RORA: variants seen among roughly 807,000 people sequenced by gnomAD.
The protein encoded by RORA is RAR related orphan receptor A.
Under a neutral mutation model 69.5 loss-of-function variants are expected in RORA, and 7 were observed. The observed-to-expected ratio is 0.10, with a 90% CI of 0.06 to 0.19. The LOEUF is 0.19. RORA is among the 10% of genes least tolerant of loss of function. The pLI, the probability that RORA is intolerant of heterozygous loss-of-function variation, is 1.00. For missense variants in RORA, 457 were observed against 663.0 expected, an observed-to-expected ratio of 0.69 and a Z score of 3.41; for synonymous variants, 261 against 240.8, an observed-to-expected ratio of 1.08 and a Z score of -0.78.
intron 1 of RORA, among the ~76,000 whole-genome samples, chr15:61,000,636 G>C (rs758006584): frequency 4.6e-5 from 7 of 152,228 alleles, no homozygotes; most frequent in Non-Finnish European, 7.3e-5. Context: ...GACCTGGTGA[G>C]TGAAGGTTAG....
intron 1 of RORA, among the ~76,000 whole-genome samples, chr15:60,954,202 A>T (rs1402388686): frequency 2.1e-5 from 3 of 144,160 alleles, no homozygotes; most frequent in Non-Finnish European, 4.5e-5. Flanking sequence ...ACAAAAAACC[A>T]AACACCGCAT....
intron 1 of RORA, among the ~76,000 whole-genome samples, chr15:60,946,705 A>T (rs1317998469): frequency 6.6e-6 from 1 of 151,220 alleles, no homozygotes; most frequent in African/African-American, 2.4e-5. Context: ...CTGGGAAGTG[A>T]GGAGCGTCTC....
chr15:61,220,522 A>G (rs2080085818), intron 1 of RORA, among the ~76,000 whole-genome samples: 1 of 152,234 alleles, frequency 6.6e-6, no homozygotes, highest in Admixed American at 6.5e-5. Flanking sequence ...CATCGATCAT[A>G]TGGGATGAAA....
intron 1 of RORA, among the ~76,000 whole-genome samples, chr15:60,894,287 T>G (rs1891166756): frequency 6.6e-6 from 1 of 152,202 alleles, no homozygotes; most frequent in Non-Finnish European, 1.5e-5. Context: ...CAAGAATAAT[T>G]TAAAATGCAA....
chr15:61,040,498 C>T (rs1473086996), intron 1 of RORA, among the ~76,000 whole-genome samples: 1 of 152,012 alleles, frequency 6.6e-6, no homozygotes, highest in Non-Finnish European at 1.5e-5. Flanking sequence ...TCTTTTCCCT[C>T]CATTTCCTTC....
chr15:60,515,425 C>T (rs1159883169), intron 3 of RORA, among the ~76,000 whole-genome samples: 1 of 39,182 alleles, frequency 2.6e-5, no homozygotes, highest in Admixed American at 3.7e-4. Context: ...GTCCAATGCT[C>T]ATCAAGTTCC....
chr15:60,827,367 C>T (rs1567204989), intron 1 of RORA, among the ~76,000 whole-genome samples: 1 of 152,124 alleles, frequency 6.6e-6, no homozygotes, highest in African/African-American at 2.4e-5. Flanking sequence ...AGCTTTAGGG[C>T]TGCTAAGAAA....
intron 1 of RORA, among the ~76,000 whole-genome samples, chr15:61,125,530 G>A (rs993242429): frequency 3.9e-5 from 6 of 152,144 alleles, no homozygotes; most frequent in Non-Finnish European, 7.4e-5. Context: ...ATATCAGATT[G>A]TTCGTTAGAT....
chr15:60,527,443 A>G (rs1199432535), intron 3 of RORA, among the ~76,000 whole-genome samples: 2 of 152,224 alleles, frequency 1.3e-5, no homozygotes, highest in Non-Finnish European at 2.9e-5. Flanking sequence ...TACAGCCTCT[A>G]GTGTTACCAT....
chr15:60,996,291 C>T (rs562970451), intron 1 of RORA, among the ~76,000 whole-genome samples: 4 of 152,020 alleles, frequency 2.6e-5, no homozygotes, highest in Non-Finnish European at 2.9e-5. Context: ...AGGCTGGAAT[C>T]GAACTCCTGA....
chr15:60,786,930 G>A (rs1231865972), intron 1 of RORA, among the ~76,000 whole-genome samples: 1 of 152,244 alleles, frequency 6.6e-6, no homozygotes, highest in Non-Finnish European at 1.5e-5. Context: ...TGATCACAGA[G>A]TGAGAACCAT....
At chr15:61,157,200 C>G (rs1169159491) in intron 1 of RORA, among the ~76,000 whole-genome samples, 1 of 152,080 alleles carries the variant, frequency 6.6e-6, no homozygotes, top group Admixed American at 6.6e-5. Flanking sequence ...TAGATTATAT[C>G]CTCTGAACCA....
chr15:60,857,899 G>A (rs995149136), intron 1 of RORA, among the ~76,000 whole-genome samples: 11 of 152,228 alleles, frequency 7.2e-5, no homozygotes, highest in African/African-American at 2.7e-4. Flanking sequence ...AGAAAGTCAG[G>A]CCAAGAGAGG....
intron 1 of RORA, among the ~76,000 whole-genome samples, chr15:60,940,078 G>T (rs1228555585): frequency 6.6e-6 from 1 of 152,196 alleles, no homozygotes; most frequent in Non-Finnish European, 1.5e-5. Context: ...ACACATGGGA[G>T]GATCAGGGGC....
At chr15:61,079,670 G>T (rs914880908) in intron 1 of RORA, among the ~76,000 whole-genome samples, 2 of 152,202 alleles carry the variant, frequency 1.3e-5, no homozygotes, top group Admixed American at 6.5e-5. Context: ...TAGAGCATCA[G>T]TTAGCAAATA....
chr15:61,113,395 C>G (rs952285303), intron 1 of RORA, among the ~76,000 whole-genome samples: 2 of 152,190 alleles, frequency 1.3e-5, no homozygotes, highest in Non-Finnish European at 2.9e-5. Flanking sequence ...AACTTTGATT[C>G]TGAGGACAGC....
intron 1 of RORA, among the ~76,000 whole-genome samples, chr15:61,176,653 T>G (rs1187915181): frequency 5.9e-5 from 9 of 152,142 alleles, no homozygotes; most frequent in Non-Finnish European, 1.5e-5. Context: ...AAAACATGCT[T>G]ACTAAGCCAT....
intron 1 of RORA, among the ~76,000 whole-genome samples, chr15:60,738,091 T>C (rs1224637698): frequency 2.0e-5 from 3 of 152,328 alleles, no homozygotes; most frequent in South Asian, 2.1e-4. Context: ...CAGACTTAAT[T>C]TGAAGCTCTA....
intron 1 of RORA, among the ~76,000 whole-genome samples, chr15:61,156,719 C>T (rs1466258959): frequency 2.0e-5 from 3 of 152,232 alleles, no homozygotes; most frequent in Non-Finnish European, 4.4e-5. Flanking sequence ...AACTTGACGT[C>T]TTCTCCAGAC....
Sources: gnomAD v4.1 joint callset for allele counts (sites outside exome capture counted in the v4.1 genomes callset) on GRCh38, gnomAD v4.1.1 for gene constraint, MANE v1.5 for transcripts, NCBI Gene and HGNC (gene_info 2026-07-23, HGNC 2026-07-21) for gene names.